Variants in TTN observed in about 807,000 individuals in gnomAD.
TTN encodes connectin.
Under a neutral mutation model 3,223.0 loss-of-function variants are expected in TTN, and 1,525 were observed. The observed-to-expected ratio is 0.47, with a 90% CI of 0.45 to 0.49. The LOEUF (loss-of-function observed/expected upper bound fraction) is 0.49. Among genes scored for constraint, TTN ranks in the 20% least tolerant of loss-of-function variants. TTN has a pLI of 0.00. For synonymous variants in TTN, 14,094 were observed against 15,161.0 expected (o/e 0.93, Z 5.17); for missense variants, 40,786 against 43,424.0 (o/e 0.94, Z 5.40).
At position 178,725,658 on chromosome 2, in the gene TTN, G is replaced by A. The variant is rs866656907; in HGVS notation, c.20555-9C>T. ...GACAAATCTTGGTGGTTCTGAACAGGAAAAGATGGATGGAAATTGTTGAAA... is the reference window on the plus strand; with the variant it reads ...GACAAATCTTGGTGGTTCTGAACAGAAAAAGATGGATGGAAATTGTTGAAA... On this transcript the variant is annotated splice_polypyrimidine_tract_variant and intron_variant, in intron 70 of 362. Transcript: ENST00000589042. The A allele has an allele frequency of 4.5e-6, 7 of 1,561,680 alleles. No homozygotes were observed. The highest frequency in any genetic ancestry group is 5.2e-6 in the Non-Finnish European group (6 of 1,153,556).
At position 178,532,094 on chromosome 2, in the gene TTN, G is replaced by A. The variant is rs778321427; in HGVS notation, c.104521C>T (p.Arg34841Cys). The change falls in exon 358 of 363, where the codon CGC becomes TGC. Residue 34841 changes from arginine to cysteine, a missense_variant. By Grantham distance (180) the Arg-to-Cys change is radical. Coordinates refer to ENST00000589042, the MANE Select transcript of TTN (RefSeq NM_001267550.2). ...SSASRLLRRR[R>C]SLSPTYIELM... ...TCAATATAAGTTGGAGACAGGGAGC[G>A]CCGTCGTCTCAGTAGTCTAGACGCA... The A allele has an allele frequency of 1.8e-5, 29 of 1,613,772 alleles. No individual in the cohort carries two copies. The Admixed American group carries it at 2.5e-4, about 14-fold the overall frequency.
In TTN at chr2:178,735,693, G is replaced by A. The variant is rs749179515; in HGVS notation, c.14753C>T (p.Thr4918Ile). ...ECQVDEDRKV[T>I]VTWSKDGQKL... ...TTGCCCATCTTTGCTCCACGTAACT[G>A]TGACTTTTCTGTCTTCATCTACTTG... The change falls in exon 50 of 363, where the codon ACA (threonine) becomes ATA (isoleucine). Residue 4918 changes from threonine to isoleucine, a missense_variant. Transcript: ENST00000589042. The A allele has an allele frequency of 1.9e-6, 3 of 1,613,778 alleles. No homozygotes were observed. The highest frequency in any genetic ancestry group is 1.7e-6 in the Non-Finnish European group (2 of 1,179,810).
chr2:178,764,378 T>A (rs74831725), intron 42 of TTN, 76 bp from the exon 43 acceptor site: 3 of 1,612,446 alleles, frequency 1.9e-6, no homozygotes, highest in African/African-American at 2.7e-5. Context: ...TGTAGGTTTA[T>A]CTTAATTTAT....
rs374075627 is a variant in TTN, at chr2:178,702,657, G to A, written c.30230C>T (p.Pro10077Leu). The change falls in exon 107 of 363, where the codon CCA (proline) becomes CTA (leucine). Residue 10077 changes from proline (P) to leucine (L), a missense_variant. Coordinates refer to ENST00000589042, the MANE Select transcript of TTN (RefSeq NM_001267550.2). ...CTGTATGCGCTTTGTAAACTGAATTGGTTCAGCTGTTTAAGTACAAAGAGG... is the reference window on the plus strand; with the variant it reads ...CTGTATGCGCTTTGTAAACTGAATTAGTTCAGCTGTTTAAGTACAAAGAGG... ...TSAELRIEAE[P>L]IQFTKRIQNI... 7.1e-5 allele frequency: 114 copies of A among 1,611,934 alleles called. No individual in the cohort carries two copies. Among genetic ancestry groups the A allele is most frequent in the Admixed American group, 1.0e-4 (6 of 59,968 alleles).
rs868535712 is a variant in TTN, at chr2:178,595,578, G to A, written c.57776C>T (p.Ala19259Val). The A allele has an allele frequency of 2.0e-5, 32 of 1,578,090 alleles. No homozygotes were observed. The highest frequency in any genetic ancestry group is 5.4e-5 in the African/African-American group (4 of 74,206). The change falls in exon 295 of 363, where the codon GCG becomes GTG. Residue 19259 changes from alanine to valine, a missense_variant. Coordinates refer to ENST00000589042, the MANE Select transcript of TTN (RefSeq NM_001267550.2). The part of the protein sequence containing the change: ...IQGKAYFFRI[A>V]AENSIGMGPF... ...ACCCATGCCAATACTATTTTCAGCC[G>A]CAATTCGGAAAAAGTAGGCTTTTCC...
At position 178,777,445 on chromosome 2, in the gene TTN, T is replaced by G; in HGVS notation, c.4620A>C (p.Ser1540=). ...CTTCCACAGTTAAAATCACTGAAAT[T>G]GAAGATCTGCCTGCCCTGTTTTGGG... ...VVAQNRAGRS[S]ISVILTVEAV... The change falls in exon 26 of 363, where the codon TCA becomes TCC. Residue 1540 remains serine, a synonymous_variant. Transcript: ENST00000589042. The G allele has an allele frequency of 6.2e-7, 1 of 1,613,794 alleles. No individual in the cohort carries two copies. Among genetic ancestry groups the G allele is most frequent in the South Asian group, 1.1e-5 (1 of 91,070 alleles).
chr2:178,631,261 G>C lies in TTN; in HGVS notation c.43787C>G (p.Thr14596Ser). The C allele has an allele frequency of 6.2e-7, 1 of 1,611,298 alleles. No individual in the cohort carries two copies. Among genetic ancestry groups the C allele is most frequent in the Non-Finnish European group, 8.5e-7 (1 of 1,178,996 alleles). ...AATAACTTCATCTTTCTCTACACCA[G>C]TATAATCTTGAAGTTTTCCTGTAAA... ...PYFTGKLQDY[T>S]GVEKDEVILQ... The change falls in exon 237 of 363, where the codon ACT (threonine) becomes AGT (serine). Residue 14596 changes from threonine (T) to serine (S), a missense_variant. Transcript: ENST00000589042.
intron 213 of TTN, 107 bp from the exon 214 acceptor site, chr2:178,647,571 G>T: frequency 9.5e-7 from 1 of 1,047,678 alleles, no homozygotes; most frequent in Non-Finnish European, 1.4e-6. Context: ...TAGATTTCAT[G>T]GGGAAAATGG....
chr2:178,720,584 C>G lies in TTN; in HGVS notation c.23178G>C (p.Ser7726=), dbSNP rs753546095. Residue 7726 remains serine, a synonymous_variant, in exon 80 of 363, where the codon TCG becomes TCC. Transcript: ENST00000589042. ...ATACTACTTCAAATGGGGGAGTTCC[C>G]GAAATTTCACATTGGAGAATCACAT... ...GSDVILQCEI[S]GTPPFEVVWV... 6.2e-7 allele frequency: 1 copy of G among 1,613,122 alleles called. No homozygotes were observed. Among genetic ancestry groups the G allele is most frequent in the South Asian group, 1.1e-5 (1 of 90,996 alleles).
At position 178,609,816 on chromosome 2, in the gene TTN, G is replaced by A. The variant is rs1559763601; in HGVS notation, c.51607C>T (p.Pro17203Ser). 6.2e-7 allele frequency: 1 copy of A among 1,612,858 alleles called. No individual in the cohort carries two copies. Among genetic ancestry groups the A allele is most frequent in the East Asian group, 2.2e-5 (1 of 44,784 alleles). The change falls in exon 272 of 363, where the codon CCA (proline) becomes TCA (serine). Residue 17203 changes from proline (P) to serine (S), a missense_variant. By Grantham distance (74) the Pro-to-Ser change is moderately conservative. Coordinates refer to ENST00000589042, the MANE Select transcript of TTN (RefSeq NM_001267550.2). ...RWKRCNEHLV[P>S]ILTYTAKGLE... ...CCTTTTGCTGTATAGGTCAGGATTG[G>A]TACCAGGTGTTCATTGCATCTCTTC...
In TTN at chr2:178,591,200, TG is replaced by T; in HGVS notation, c.60524del (p.Pro20175GlnfsTer15). 6.2e-7 allele frequency: 1 copy of T among 1,613,466 alleles called. No homozygotes were observed. Among genetic ancestry groups the T allele is most frequent in the Non-Finnish European group, 8.5e-7 (1 of 1,179,582 alleles). On this transcript the variant is annotated frameshift_variant, in exon 304 of 363. Transcript: ENST00000589042. LOFTEE classifies it high-confidence loss of function. ...CATCCAGAATATTAATAGGACCTGTTGGTGGCCCAGGAACATCAAGAACAGT... is the reference window on the plus strand; with the variant it reads ...CATCCAGAATATTAATAGGACCTGTTGTGGCCCAGGAACATCAAGAACAGT... Reference protein sequence around the residue: ...HLTVLDVPGPPTGPINILDVT... With the variant: ...HLTVLDVPGPXTGPINILDVT...
At position 178,572,941 on chromosome 2, in the gene TTN, G is replaced by C. The variant is rs1269666445; in HGVS notation, c.73191C>G (p.Ile24397Met). Residue 24397 changes from isoleucine (I) to methionine (M), a missense_variant, in exon 326 of 363, where the codon ATC becomes ATG. Coordinates refer to ENST00000589042, the MANE Select transcript of TTN (RefSeq NM_001267550.2). ...TGLTENQEYK[I>M]RIYAMNSEGL... ...CTTCGGAATTCATGGCATAGATGCGGATCTTATATTCCTGATTCTCTGTGA... is the reference window on the plus strand; with the variant it reads ...CTTCGGAATTCATGGCATAGATGCGCATCTTATATTCCTGATTCTCTGTGA... 1 of 1,613,258 alleles carries C rather than the reference G, an allele frequency of 6.2e-7. No homozygotes were observed. The highest frequency in any genetic ancestry group is 2.2e-5 in the East Asian group (1 of 44,664).
In TTN at chr2:178,732,048, G is replaced by A. The variant is rs1323137954; in HGVS notation, c.16903+18C>T. The A allele has an allele frequency of 6.3e-6, 10 of 1,591,816 alleles. No individual in the cohort carries two copies. Among genetic ancestry groups the A allele is most frequent in the Non-Finnish European group, 8.6e-6 (10 of 1,166,512 alleles). Reference sequence around the variant, plus strand: ...GGGCCATAACTTTGGCAACACAAGAGGCAAAGTGAACACAAACCTTTGACT... The same window carrying A: ...GGGCCATAACTTTGGCAACACAAGAAGCAAAGTGAACACAAACCTTTGACT... On this transcript the variant is annotated intron_variant, in intron 57 of 362. Coordinates refer to ENST00000589042, the MANE Select transcript of TTN (RefSeq NM_001267550.2).
chr2:178,713,472 AT>A (rs1434772311), intron 92 of TTN, 100 bp from the exon 93 acceptor site: 2 of 1,426,280 alleles, frequency 1.4e-6, no homozygotes, highest in Non-Finnish European at 1.8e-6. Flanking sequence ...TTGATGGACT[AT>A]CCCTAGATCC....
Position 178,576,594 on chromosome 2 carries a change from T to G in TTN, c.69650A>C (p.Glu23217Ala), listed in dbSNP as rs72646884. Reference protein sequence around the residue: ...GSTYEFRVSAENRAGIGPPSE... With the variant: ...GSTYEFRVSAANRAGIGPPSE... ...GGGTGGACCAATTCCTGCTCTGTTT[T>G]CTGCACTGACACGGAATTCGTAGGT... Residue 23217 changes from glutamate (E) to alanine (A), a missense_variant, in exon 325 of 363, where the codon GAA (glutamate) becomes GCA (alanine). By Grantham distance (107) the Glu-to-Ala change is moderately radical (BLOSUM62 -1). Transcript: ENST00000589042. The surrounding 1 kb of genome is among the most constrained non-coding windows in gnomAD (Gnocchi z 4.3). 10 of 1,613,636 alleles carry G rather than the reference T, an allele frequency of 6.2e-6. No individual in the cohort carries two copies. The highest frequency in any genetic ancestry group is 7.6e-6 in the Non-Finnish European group (9 of 1,179,644).
rs2057018597 is a variant in TTN at position 178,614,864 on chromosome 2, T to C, written c.48743A>G (p.Gln16248Arg). The change falls in exon 260 of 363, where the codon CAG (glutamine) becomes CGG (arginine). Residue 16248 changes from glutamine (Q) to arginine (R), a missense_variant. Physicochemically the swap from Gln to Arg is conservative, Grantham distance 43 (BLOSUM62 1). Transcript: ENST00000589042. ...ATAGATACCTTGTGTGTCCACAGCCTGGATTTCCTCTGTGGGTCTGCTTGG... is the reference window on the plus strand; with the variant it reads ...ATAGATACCTTGTGTGTCCACAGCCCGGATTTCCTCTGTGGGTCTGCTTGG... ...SKPSRPTEEI[Q>R]AVDTQEAPEI... 6.4e-7 allele frequency: 1 copy of C among 1,573,092 alleles called. No individual in the cohort carries two copies. Among genetic ancestry groups the C allele is most frequent in the Non-Finnish European group, 8.6e-7 (1 of 1,157,728 alleles).
intron 218 of TTN, among the ~76,000 whole-genome samples, chr2:178,643,072 T>C (rs2061447672): frequency 6.6e-6 from 1 of 151,986 alleles, no homozygotes; most frequent in African/African-American, 2.4e-5. Flanking sequence ...ATGGCCCTCA[T>C]AGATTTGAAT....
chr2:178,697,552 G>A (rs1191835186), intron 112 of TTN, among the ~76,000 whole-genome samples: 2 of 152,110 alleles, frequency 1.3e-5, no homozygotes, highest in Non-Finnish European at 2.9e-5. Flanking sequence ...TGAAGTTCAT[G>A]AAATATCCAT....
At position 178,586,699 on chromosome 2, in the gene TTN, T is replaced by C; in HGVS notation, c.64202A>G (p.Tyr21401Cys). ...CTCTTCTTCTCTGTAACTAGTGATG[T>C]AGCCATCGATTTTAGCACCTCCATC... is the stretch of plus-strand genomic sequence containing the variant. ...LRDGGAKIDG[Y>C]ITSYREEEQP... Residue 21401 changes from tyrosine (Y) to cysteine (C), a missense_variant, in exon 308 of 363, where the codon TAC becomes TGC. By Grantham distance (194) the Tyr-to-Cys change is radical. Coordinates refer to ENST00000589042, the MANE Select transcript of TTN (RefSeq NM_001267550.2). 6.2e-7 allele frequency: 1 copy of C among 1,613,154 alleles called. No individual in the cohort carries two copies. The highest frequency in any genetic ancestry group is 8.5e-7 in the Non-Finnish European group (1 of 1,179,382).
Sources: gnomAD v4.1 joint callset for allele counts (sites outside exome capture counted in the v4.1 genomes callset) on GRCh38, gnomAD v4.1.1 for gene constraint, Gnocchi (gnomAD v3.1) non-coding constraint, MANE v1.5 for transcripts, NCBI Gene and HGNC (gene_info 2026-07-23, HGNC 2026-07-21) for gene names.